RYR2: variants seen among roughly 807,000 people sequenced by gnomAD.
The protein encoded by RYR2 is ryanodine receptor 2, also known as cardiac muscle ryanodine receptor-calcium release channel.
A neutral mutation model predicts 601.1 loss-of-function variants in RYR2; 227 were observed. That is an observed-to-expected ratio of 0.38 (90% CI 0.34 to 0.42). The LOEUF (loss-of-function observed/expected upper bound fraction) is 0.42. RYR2 is among the 10% of genes least tolerant of loss of function. The pLI is 1.00. For missense variants in RYR2, 4,646 were observed against 6,156.5 expected, an observed-to-expected ratio of 0.75 and a Z score of 8.21; for synonymous variants, 2,223 against 2,175.1, an observed-to-expected ratio of 1.02 and a Z score of -0.61.
At chr1:237,193,063 C>A (rs1680150485) in intron 1 of RYR2, among the ~76,000 whole-genome samples, 1 of 148,690 alleles carries the variant, frequency 6.7e-6, no homozygotes, top group South Asian at 2.1e-4. Flanking sequence ...TGGCTCATGC[C>A]TGTAATCCCA....
intron 17 of RYR2, among the ~76,000 whole-genome samples, chr1:237,471,508 A>G (rs961630603): frequency 6.6e-6 from 1 of 152,214 alleles, no homozygotes; most frequent in Non-Finnish European, 1.5e-5. Context: ...GAAGACATTT[A>G]AAAAATGCTC....
chr1:237,334,501 T>C (rs1262664340), intron 3 of RYR2, among the ~76,000 whole-genome samples: 2 of 151,610 alleles, frequency 1.3e-5, no homozygotes, highest in East Asian at 1.9e-4. Flanking sequence ...TATAATTACA[T>C]TGACTATCAT....
intron 79 of RYR2, 23 bp downstream of exon 79, chr1:237,733,779 T>G (rs1418100438): frequency 1.0e-5 from 15 of 1,495,930 alleles, no homozygotes; most frequent in Non-Finnish European, 1.4e-5. Context: ...CCTTCCTGAT[T>G]TTCATGTTTA....
intron 100 of RYR2, among the ~76,000 whole-genome samples, chr1:237,816,750 G>A (rs1324823990): frequency 6.6e-6 from 1 of 152,068 alleles, no homozygotes; most frequent in East Asian, 1.9e-4. Flanking sequence ...GAAATGTGTG[G>A]TAAAACAAAT....
chr1:237,326,132 G>T (rs1307846292), intron 2 of RYR2, among the ~76,000 whole-genome samples: 1 of 152,116 alleles, frequency 6.6e-6, no homozygotes, highest in Non-Finnish European at 1.5e-5. Flanking sequence ...TACTTTGGTT[G>T]GAAACCTAAT....
chr1:237,756,183 G>A, intron 80 of RYR2, 105 bp from the exon 81 acceptor site: 1 of 698,170 alleles, frequency 1.4e-6, no homozygotes. Flanking sequence ...GGTCCATAAT[G>A]TTGTCATAGA....
Position 237,675,607 on chromosome 1 carries a change from G to A in RYR2, c.8830+761G>A, listed in dbSNP as rs767706602. ...TTCATTTATTTTCATTTTCGTTCTC[G>A]ACGTTTTCTCTTTGTTTTTAACACT... is the stretch of plus-strand genomic sequence containing the variant. On this transcript the variant is annotated intron_variant, in intron 60 of 104. Transcript: ENST00000366574. Among the ~76,000 whole-genome samples the A allele has an allele frequency of 1.2e-4, 18 of 152,000 alleles. 1 individual carries two copies. Among genetic ancestry groups the A allele is most frequent in the Non-Finnish European group, 2.5e-4 (17 of 67,978 alleles).
intron 2 of RYR2, among the ~76,000 whole-genome samples, chr1:237,297,232 T>C (rs991396868): frequency 2.8e-4 from 43 of 152,026 alleles, no homozygotes; most frequent in African/African-American, 9.9e-4. Flanking sequence ...AGGGCAAAGA[T>C]TGATTTATGA....
chr1:237,600,514 G>A (rs1676384798), intron 34 of RYR2, among the ~76,000 whole-genome samples: 1 of 152,086 alleles, frequency 6.6e-6, no homozygotes, highest in Admixed American at 6.6e-5. Context: ...AAAACATGGG[G>A]GAAACACTTC....
intron 1 of RYR2, among the ~76,000 whole-genome samples, chr1:237,137,894 C>T (rs904258463): frequency 3.2e-4 from 48 of 152,278 alleles, no homozygotes; most frequent in African/African-American, 1.1e-3. Flanking sequence ...TGAAATAGAA[C>T]TTTATGAGTA....
chr1:237,678,110 A>G lies in RYR2; in HGVS notation c.8893A>G (p.Lys2965Glu), dbSNP rs760434323. ...TGAACAAGAAATCAAGTTCTTTGCA[A>G]AAGTACAGTATACAATCTATCTTGT... ...PYEQEIKFFA[K>E]VVLPLIDQYF... is the part of the protein sequence containing the mutation. Residue 2965 changes from lysine to glutamate, a missense_variant and splice_region_variant, in exon 61 of 105, where the codon AAA (lysine) becomes GAA (glutamate). Around this residue, in one of 17 missense-constraint regions of RYR2, gnomAD observed 1,497 missense variants for 1,842.6 expected, o/e 0.81. Coordinates refer to ENST00000366574, the MANE Select transcript of RYR2 (RefSeq NM_001035.3). 6.4e-7 allele frequency: 1 copy of G among 1,558,982 alleles called. No individual in the cohort carries two copies. The highest frequency in any genetic ancestry group is 8.8e-7 in the Non-Finnish European group (1 of 1,132,548).
intron 1 of RYR2, among the ~76,000 whole-genome samples, chr1:237,171,157 C>T (rs974464291): frequency 2.0e-5 from 3 of 151,578 alleles, no homozygotes; most frequent in African/African-American, 7.3e-5. Flanking sequence ...TTGCTTGAAC[C>T]CAGGAGGCGG....
At chr1:237,349,513 A>G (rs1413200379) in intron 3 of RYR2, among the ~76,000 whole-genome samples, 2 of 152,256 alleles carry the variant, frequency 1.3e-5, no homozygotes, top group African/African-American at 4.8e-5. Flanking sequence ...TATATGGCCA[A>G]ATGTAAATTA....
chr1:237,425,547 T>C (rs1396191609), intron 12 of RYR2, among the ~76,000 whole-genome samples: 3 of 151,916 alleles, frequency 2.0e-5, no homozygotes, highest in African/African-American at 7.2e-5. Flanking sequence ...GGCAGGAGAA[T>C]CGCTTGAACT....
intron 13 of RYR2, among the ~76,000 whole-genome samples, chr1:237,442,398 A>C (rs1707990883): frequency 6.7e-6 from 1 of 150,324 alleles, no homozygotes; most frequent in Non-Finnish European, 1.5e-5. Context: ...CTTGAATTAG[A>C]GTCAACAATT....
intron 1 of RYR2, among the ~76,000 whole-genome samples, chr1:237,207,401 A>G (rs1404930119): frequency 1.3e-5 from 2 of 152,200 alleles, no homozygotes; most frequent in Non-Finnish European, 2.9e-5. Flanking sequence ...CCCTGTCTCT[A>G]TTAAAAATAC....
intron 1 of RYR2, among the ~76,000 whole-genome samples, chr1:237,117,741 TCTTCTCTTCTCTTC>T: frequency 7.1e-6 from 1 of 141,202 alleles, no homozygotes; most frequent in South Asian, 2.2e-4. Context: ...TCTTCTCTTC[TCTTCTCTTCTCTTC>T]TCTGTTCTGA....
At chr1:237,741,893 C>T (rs968403898) in intron 79 of RYR2, among the ~76,000 whole-genome samples, 16 of 152,066 alleles carry the variant, frequency 1.1e-4, no homozygotes, top group Admixed American at 2.6e-4. Context: ...TGAGCCACCT[C>T]GCCCGGTCTA....
intron 38 of RYR2, among the ~76,000 whole-genome samples, chr1:237,619,210 C>G (rs1678811167): frequency 6.6e-6 from 1 of 152,064 alleles, no homozygotes; most frequent in Non-Finnish European, 1.5e-5. Context: ...CAATAAGCAC[C>G]AACACTGAGA....
Sources: gnomAD v4.1 joint callset for allele counts (sites outside exome capture counted in the v4.1 genomes callset) on GRCh38, gnomAD v4.1.1 for gene constraint, gnomAD v4.1.1 regional missense constraint, MANE v1.5 for transcripts, NCBI Gene and HGNC (gene_info 2026-07-23, HGNC 2026-07-21) for gene names.